The following FAAH2 variants were observed in gnomAD, a reference collection of about 807,000 sequenced individuals.
FAAH2 encodes the protein fatty acid amide hydrolase 2.
In FAAH2, 60 loss-of-function variants were observed where a neutral mutation model predicts 36.9. The ratio of observed to expected loss-of-function variants is 1.63; its 90% CI spans 1.32 to 2.02. FAAH2 has a LOEUF of 2.02. Ranked by LOEUF, FAAH2 falls within the 30% of genes most tolerant of loss-of-function variation. The probability of loss-of-function intolerance (pLI) is 0.00; values close to 1 mark genes in which losing one functional copy is unlikely to be tolerated. For synonymous variants in FAAH2, 214 were observed against 143.8 expected (o/e 1.49, Z -3.49); for missense variants, 689 against 397.5 (o/e 1.73, Z -6.23).
At chrX:57,367,131 G>A (rs1222122087) in intron 5 of FAAH2, among the ~76,000 whole-genome samples, 2 of 112,411 alleles carry the variant, frequency 1.8e-5, no homozygotes, top group Non-Finnish European at 3.8e-5. Flanking sequence ...TTTAAACATT[G>A]AAATATATCA....
intron 7 of FAAH2, among the ~76,000 whole-genome samples, chrX:57,396,375 G>GT (rs151133925): frequency 0.028 from 2,380 of 84,113 alleles, 61 homozygotes; most frequent in African/African-American, 0.059. Context: ...TAGGTTTAGT[G>GT]TTTTTTTTTT....
At chrX:57,444,400 C>G (rs1398921379) in intron 8 of FAAH2, among the ~76,000 whole-genome samples, 2 of 112,336 alleles carry the variant, frequency 1.8e-5, no homozygotes, top group Admixed American at 9.4e-5. Context: ...GCTTCGGACC[C>G]TCTGAGCCAG....
chrX:57,195,984 G>A, the FAAH2 span, among the ~76,000 whole-genome samples: 1 of 112,124 alleles, frequency 8.9e-6, no homozygotes. Context: ...CCAGCGCCAT[G>A]CTATTTTGGT....
chrX:57,222,428 A>G, the FAAH2 span, among the ~76,000 whole-genome samples: 2 of 111,521 alleles, frequency 1.8e-5, no homozygotes, highest in Non-Finnish European at 3.8e-5. Flanking sequence ...AACCCAGTCT[A>G]AGGGACCTAC....
chrX:57,389,628 C>G (rs1032593528), intron 7 of FAAH2, among the ~76,000 whole-genome samples: 4 of 110,300 alleles, frequency 3.6e-5, no homozygotes, highest in African/African-American at 1.3e-4. Flanking sequence ...CATCAACACA[C>G]ACTTAGGATG....
rs186975731 is a variant in FAAH2 at position 57,289,122 on chromosome X, A to G, written c.192+2105A>G. Among the ~76,000 whole-genome samples, 464 of 112,306 alleles carry G rather than the reference A, an allele frequency of 4.1e-3. 2 individuals are homozygous for G. Among genetic ancestry groups the G allele is most frequent in the Middle Eastern group, 0.014 (3 of 218 alleles). ...ACATTTTGAGGTACATATGATTATC[A>G]TCATCTTACAGAGAAGGAAAATAAA... On this transcript the variant is annotated intron_variant, in intron 1 of 10. Transcript: ENST00000374900.
chrX:57,182,444 C>G, the FAAH2 span, among the ~76,000 whole-genome samples: 16 of 111,737 alleles, frequency 1.4e-4, no homozygotes, highest in African/African-American at 4.9e-4. Flanking sequence ...ATGCAGCCAA[C>G]AAGCATATAG....
At chrX:57,439,842 C>A (rs780202715) in intron 8 of FAAH2, among the ~76,000 whole-genome samples, 1 of 111,840 alleles carries the variant, frequency 8.9e-6, no homozygotes, top group Non-Finnish European at 1.9e-5. Flanking sequence ...TTCCCAGCAC[C>A]ATTTATTAAA....
chrX:57,401,389 C>T (rs1376808248), intron 7 of FAAH2, among the ~76,000 whole-genome samples: 2 of 111,132 alleles, frequency 1.8e-5, no homozygotes, highest in Non-Finnish European at 3.8e-5. Context: ...TCAGGATGTA[C>T]AGGGATGCAG....
chrX:57,135,501 C>G, the FAAH2 span: 2 of 311,388 alleles, frequency 6.4e-6, no homozygotes, highest in Non-Finnish European at 1.1e-5. Context: ...ACCAGACCAG[C>G]TAAATCCAGT....
At chrX:57,449,802 G>A (rs1243955458) in intron 10 of FAAH2, among the ~76,000 whole-genome samples, 1 of 110,925 alleles carries the variant, frequency 9.0e-6, no homozygotes, top group Admixed American at 9.6e-5. Flanking sequence ...AAGTAGCTGG[G>A]ATTACAGGAG....
At chrX:57,252,890 G>A in the FAAH2 span, among the ~76,000 whole-genome samples, 9 of 112,519 alleles carry the variant, frequency 8.0e-5, no homozygotes, top group African/African-American at 2.9e-4. Context: ...GCCAGCAAGG[G>A]CACAAACCTG....
chrX:57,403,301 G>A (rs758681662), intron 7 of FAAH2, among the ~76,000 whole-genome samples: 2 of 112,120 alleles, frequency 1.8e-5, no homozygotes, highest in South Asian at 7.4e-4. Flanking sequence ...TCCTTTTCAG[G>A]TCACCCATAG....
At chrX:57,251,024 C>T in the FAAH2 span, among the ~76,000 whole-genome samples, 2 of 111,426 alleles carry the variant, frequency 1.8e-5, no homozygotes, top group Non-Finnish European at 3.8e-5. Flanking sequence ...CAGTATTAGT[C>T]CAAAGCCTGA....
At chrX:57,368,817 G>T (rs1331699551) in intron 5 of FAAH2, among the ~76,000 whole-genome samples, 1 of 110,893 alleles carries the variant, frequency 9.0e-6, no homozygotes, top group Non-Finnish European at 1.9e-5. Flanking sequence ...CACATGAAAA[G>T]TCAAGGAAAT....
At chrX:57,389,268 A>G (rs1343850531) in intron 7 of FAAH2, among the ~76,000 whole-genome samples, 1 of 62,557 alleles carries the variant, frequency 1.6e-5, no homozygotes, top group Non-Finnish European at 3.1e-5. Context: ...ACACGCACAC[A>G]CACACACACC....
chrX:57,472,379 G>T (rs1282456162), intron 10 of FAAH2, among the ~76,000 whole-genome samples: 1 of 111,676 alleles, frequency 9.0e-6, no homozygotes, highest in East Asian at 2.8e-4. Context: ...TCTACAAAGA[G>T]CTCAAACAAA....
chrX:57,158,792 G>T, the FAAH2 span, among the ~76,000 whole-genome samples: 1 of 111,877 alleles, frequency 8.9e-6, no homozygotes, highest in Non-Finnish European at 1.9e-5. Context: ...CATTCTGCAG[G>T]TTGCCTATTC....
intron 10 of FAAH2, among the ~76,000 whole-genome samples, chrX:57,487,008 G>A (rs1362051878): frequency 9.0e-6 from 1 of 111,403 alleles, no homozygotes; most frequent in Non-Finnish European, 1.9e-5. Context: ...TAATAAAGGA[G>A]GTTTCAAGAC....
Sources: allele counts gnomAD v4.1 joint callset (sites outside exome capture counted in the v4.1 genomes callset), GRCh38; gene constraint gnomAD v4.1.1; transcripts MANE v1.5; gene names NCBI Gene and HGNC (gene_info 2026-07-23, HGNC 2026-07-21).